Variants in CSMD1 observed in about 807,000 individuals in gnomAD.
The protein encoded by CSMD1 is CUB and sushi domain-containing protein 1.
Under a neutral mutation model 417.5 loss-of-function variants are expected in CSMD1, and 213 were observed. The ratio of observed to expected loss-of-function variants is 0.51; its 90% confidence interval spans 0.46 to 0.57. The LOEUF (loss-of-function observed/expected upper bound fraction) is 0.57, where lower values mean the gene tolerates loss of function less well. Ranked by LOEUF, CSMD1 falls within the 20% of genes least tolerant of loss-of-function variation. The pLI is 0.00. For synonymous variants in CSMD1, 2,862 were observed against 1,736.8 expected (o/e 1.65, Z -16.11); for missense variants, 6,923 against 4,529.7 (o/e 1.53, Z -15.17).
chr8:3,377,171 G>C (rs1810361483), intron 18 of CSMD1, among the ~76,000 whole-genome samples: 1 of 152,054 alleles, frequency 6.6e-6, no homozygotes, highest in African/African-American at 2.4e-5. Flanking sequence ...AATACCCCCA[G>C]CTAATTTTTG....
intron 10 of CSMD1, among the ~76,000 whole-genome samples, chr8:3,546,943 C>G (rs1047941326): frequency 2.0e-5 from 3 of 152,212 alleles, no homozygotes; most frequent in Non-Finnish European, 4.4e-5. Flanking sequence ...TATCAGAGGT[C>G]TTGAGCTGTT....
chr8:4,747,904 G>A (rs1811060494), intron 1 of CSMD1, among the ~76,000 whole-genome samples: 1 of 152,204 alleles, frequency 6.6e-6, no homozygotes, highest in Non-Finnish European at 1.5e-5. Flanking sequence ...TTAAGCAAAG[G>A]ATAATCAATG....
chr8:4,295,027 C>T (rs1300268694), intron 3 of CSMD1, among the ~76,000 whole-genome samples: 1 of 148,284 alleles, frequency 6.7e-6, no homozygotes, highest in East Asian at 2.0e-4. Flanking sequence ...ATTATATATA[C>T]ATATAATATA....
chr8:3,674,191 C>T (rs73183334), intron 7 of CSMD1, among the ~76,000 whole-genome samples: 19,856 of 152,154 alleles, frequency 0.13, 1,572 homozygotes, highest in South Asian at 0.21. Context: ...AAATACAAGA[C>T]CCTGAGTTGT....
intron 5 of CSMD1, among the ~76,000 whole-genome samples, chr8:3,826,968 G>C (rs1268234930): frequency 6.6e-6 from 1 of 151,936 alleles, no homozygotes; most frequent in Non-Finnish European, 1.5e-5. Context: ...AATTTATAGA[G>C]ACAGAGTGTT....
intron 1 of CSMD1, among the ~76,000 whole-genome samples, chr8:4,940,676 A>AC (rs1807936264): frequency 1.3e-5 from 2 of 152,178 alleles, no homozygotes; most frequent in Admixed American, 1.3e-4. Context: ...AAACAAACCA[A>AC]TACCTTACAA....
chr8:3,344,783 T>C (rs1043270976), intron 22 of CSMD1, among the ~76,000 whole-genome samples: 9 of 152,210 alleles, frequency 5.9e-5, no homozygotes, highest in African/African-American at 2.2e-4. Context: ...CAGATATAGA[T>C]ACTCAGAAAA....
intron 23 of CSMD1, among the ~76,000 whole-genome samples, chr8:3,330,765 A>G (rs1387841719): frequency 3.3e-5 from 5 of 152,178 alleles, no homozygotes; most frequent in African/African-American, 4.8e-5. Flanking sequence ...ACAATAATAA[A>G]CTAAGATTAA....
At chr8:3,779,599 G>A (rs1339980291) in intron 5 of CSMD1, among the ~76,000 whole-genome samples, 5 of 152,078 alleles carry the variant, frequency 3.3e-5, no homozygotes, top group Admixed American at 6.6e-5. Flanking sequence ...CTGAATAACC[G>A]GGTATTTTAA....
intron 3 of CSMD1, among the ~76,000 whole-genome samples, chr8:4,345,180 G>C (rs930571815): frequency 6.6e-6 from 1 of 152,128 alleles, no homozygotes; most frequent in African/African-American, 2.4e-5. Context: ...CCACTTACAT[G>C]CAAGACATCG....
At chr8:2,957,839 G>T in intron 62 of CSMD1, 32 bp from the exon 63 acceptor site, 1 of 1,423,244 alleles carries the variant, frequency 7.0e-7, no homozygotes, top group Non-Finnish European at 9.7e-7. Context: ...AGCTTCAGAG[G>T]CCAAGGGAAT....
chr8:3,912,258 C>T (rs764056690), intron 5 of CSMD1, among the ~76,000 whole-genome samples: 5 of 152,122 alleles, frequency 3.3e-5, no homozygotes, highest in Admixed American at 6.5e-5. Flanking sequence ...GGAAATATCA[C>T]TAATTATTCA....
chr8:3,594,388 G>T (rs750912472), intron 8 of CSMD1, among the ~76,000 whole-genome samples: 1 of 152,054 alleles, frequency 6.6e-6, no homozygotes, highest in African/African-American at 2.4e-5. Flanking sequence ...TTTGGGTTAC[G>T]TCTTGAAAGA....
chr8:4,627,112 A>C (rs1458849835), intron 2 of CSMD1, among the ~76,000 whole-genome samples: 1 of 152,144 alleles, frequency 6.6e-6, no homozygotes, highest in Non-Finnish European at 1.5e-5. Context: ...TTATTCAGTA[A>C]ACAACTATAC....
chr8:3,906,351 C>G (rs1350446507), intron 5 of CSMD1, among the ~76,000 whole-genome samples: 1 of 151,998 alleles, frequency 6.6e-6, no homozygotes, highest in African/African-American at 2.4e-5. Context: ...CCCAAGTATA[C>G]CTGAGTCACC....
At chr8:4,948,299 A>G (rs60512719) in intron 1 of CSMD1, among the ~76,000 whole-genome samples, 10,556 of 152,066 alleles carry the variant, frequency 0.069, 569 homozygotes, top group East Asian at 0.24. Context: ...AATGTTAGGT[A>G]TAGTTGTTAT....
At position 4,356,788 on chromosome 8, in the gene CSMD1, T is replaced by G. The variant is rs575490560; in HGVS notation, c.415+63165A>C. Among the ~76,000 whole-genome samples, 393 of 152,312 alleles carry G rather than the reference T, an allele frequency of 2.6e-3. 4 individuals carry two copies. Among genetic ancestry groups the G allele is most frequent in the Non-Finnish European group, 4.1e-3 (281 of 68,038 alleles). ...ACCGAGTTCTTCTCTCAAAGCAGTC[T>G]TGCAGGCCCAGCCCCTGACCGACTT... On this transcript the variant is annotated intron_variant, in intron 3 of 69. Coordinates refer to ENST00000635120, the MANE Select transcript of CSMD1 (RefSeq NM_033225.6).
At chr8:4,172,866 G>A (rs1263944228) in intron 3 of CSMD1, among the ~76,000 whole-genome samples, 2 of 152,052 alleles carry the variant, frequency 1.3e-5, no homozygotes, top group African/African-American at 4.8e-5. Flanking sequence ...GTGTGCGTAG[G>A]CATAAAAGGG....
At chr8:3,212,611 C>T (rs952959536) in intron 30 of CSMD1, among the ~76,000 whole-genome samples, 20 of 152,132 alleles carry the variant, frequency 1.3e-4, no homozygotes, top group African/African-American at 4.8e-4. Flanking sequence ...GCCTTGGCCT[C>T]CCATAGTGTT....
Sources: allele counts gnomAD v4.1 joint callset (sites outside exome capture counted in the v4.1 genomes callset), GRCh38; gene constraint gnomAD v4.1.1; transcripts MANE v1.5; gene names NCBI Gene and HGNC (gene_info 2026-07-23, HGNC 2026-07-21).